Variants in PALB2 observed in about 807,000 individuals in gnomAD.
The protein encoded by PALB2 is mutant partner and localizer of BRCA2.
A neutral mutation model predicts 107.4 loss-of-function variants in PALB2; 82 were observed. The observed-to-expected ratio is 0.76, with a 90% CI of 0.64 to 0.92. The LOEUF (loss-of-function observed/expected upper bound fraction) is 0.92. Among genes scored for constraint, PALB2 ranks in the 40% least tolerant of loss-of-function variants. The pLI is 0.00. For synonymous variants in PALB2, 489 were observed against 496.8 expected, an observed-to-expected ratio of 0.98 and a Z score of 0.21; for missense variants, 1,374 against 1,379.9, an observed-to-expected ratio of 1.00 and a Z score of 0.07.
At chr16:23,612,536 T>C (rs1966605660) in intron 11 of PALB2, among the ~76,000 whole-genome samples, 1 of 150,446 alleles carries the variant, frequency 6.6e-6, no homozygotes. Flanking sequence ...TTTTTTTTTT[T>C]TTTTTTTTGA....
chr16:23,623,501 CTTTTTTTTTTTTTTT>C (rs1189941589), intron 8 of PALB2, among the ~76,000 whole-genome samples: 4 of 62,548 alleles, frequency 6.4e-5, no homozygotes, highest in Admixed American at 5.7e-4. Context: ...CATACCCGGC[CTTTTTTTTTTTTTTT>C]TTTTTTTTTT....
intron 11 of PALB2, among the ~76,000 whole-genome samples, chr16:23,612,431 C>T (rs899795773): frequency 2.0e-5 from 3 of 151,688 alleles, no homozygotes; most frequent in Non-Finnish European, 4.4e-5. Context: ...GTTGGCCAGG[C>T]TGGTCTCGAA....
chr16:23,604,058 C>T (rs922492392), intron 12 of PALB2, among the ~76,000 whole-genome samples: 1 of 152,184 alleles, frequency 6.6e-6, no homozygotes, highest in Non-Finnish European at 1.5e-5. Flanking sequence ...CCTGTTATGT[C>T]CATAGAAAGG....
At position 23,637,746 on chromosome 16, in the gene PALB2, C is replaced by A. The variant is rs1171208506; in HGVS notation, c.211+104G>T. The A allele has an allele frequency of 1.1e-5, 9 of 837,586 alleles. No individual in the cohort carries two copies. In the East Asian group the frequency reaches 2.2e-4, roughly 21 times the overall value. 51.9% of individuals were successfully genotyped at this position (837,586 alleles called of 1,614,324 possible). ...AAAATTAAAATTAAAATTAAAGCGT[C>A]TATTGCTAGTCATTATCTTCACACT... On this transcript the variant is annotated intron_variant, in intron 3 of 12. Transcript: ENST00000261584.
intron 11 of PALB2, among the ~76,000 whole-genome samples, chr16:23,609,321 A>G (rs115777213): frequency 0.033 from 5,087 of 152,278 alleles, 118 homozygotes; most frequent in Middle Eastern, 0.088. Context: ...TCAACTTGGC[A>G]GGCTGAGTGG....
rs1219715328 is a variant in PALB2 at position 23,623,099 on chromosome 16, C to T, written c.2866G>A (p.Glu956Lys). Residue 956 changes from glutamate (E) to lysine (K), a missense_variant, in exon 9 of 13, where the codon GAA (glutamate) becomes AAA (lysine). By Grantham distance (56) the Glu-to-Lys change is moderately conservative. Transcript: ENST00000261584. ...CCAGACTTCAGTAGTACTTGCTTTT[C>T]ACTTTCATCATCAGAGGAACAAAAC... ...ALFCSSDDES[E>K]KQVLLKSGNI... 8.7e-6 allele frequency: 14 copies of T among 1,613,582 alleles called. No individual in the cohort carries two copies. The Admixed American group carries it at 2.3e-4, about 27-fold the overall frequency.
intron 11 of PALB2, among the ~76,000 whole-genome samples, chr16:23,613,404 G>A (rs1439399000): frequency 6.6e-6 from 1 of 152,124 alleles, no homozygotes; most frequent in Non-Finnish European, 1.5e-5. Flanking sequence ...AGCACTTTGG[G>A]AGGCTGAGGC....
chr16:23,634,322 G>A (rs1439031354), intron 4 of PALB2, among the ~76,000 whole-genome samples: 1 of 152,204 alleles, frequency 6.6e-6, no homozygotes, highest in Non-Finnish European at 1.5e-5. Context: ...CTGCTGTGAT[G>A]ATTCAATGAG....
Position 23,635,221 on chromosome 16 carries a change from T to G in PALB2, c.1325A>C (p.Asn442Thr), listed in dbSNP as rs2142419299. ...ATTTTTACTTGCATCCTTATTTTTA[T>G]TTTTAAACCCTTTTTTCTTGACATC... ...HLDVKKKGFK[N>T]KNKDASKNLN... Residue 442 changes from asparagine (N) to threonine (T), a missense_variant, in exon 4 of 13, where the codon AAT becomes ACT. Physicochemically the swap from Asn to Thr is moderately conservative, Grantham distance 65. Coordinates refer to ENST00000261584, the MANE Select transcript of PALB2 (RefSeq NM_024675.4). The G allele has an allele frequency of 6.2e-7, 1 of 1,614,192 alleles. No individual in the cohort carries two copies. The highest frequency in any genetic ancestry group is 8.5e-7 in the Non-Finnish European group (1 of 1,180,032).
At chr16:23,621,583 A>G in intron 9 of PALB2, 105 bp from the exon 10 acceptor site, 1 of 726,212 alleles carries the variant, frequency 1.4e-6, no homozygotes, top group East Asian at 2.7e-5. Context: ...ACCTAATATC[A>G]GGAAAAAAAA....
chr16:23,633,000 G>A (rs1966898467), intron 4 of PALB2, among the ~76,000 whole-genome samples: 1 of 151,950 alleles, frequency 6.6e-6, no homozygotes, highest in Non-Finnish European at 1.5e-5. Flanking sequence ...GGGCTGAGGT[G>A]GGAGAATCGC....
intron 12 of PALB2, 23 bp from the exon 13 acceptor site, chr16:23,603,692 TAATTC>T: frequency 6.3e-7 from 1 of 1,593,230 alleles, no homozygotes; most frequent in South Asian, 1.1e-5. Context: ...AAAGAAGATA[TAATTC>T]AGATTACATA....
rs1597095213 is a variant in PALB2, at chr16:23,634,875, A to G, written c.1671T>C (p.Phe557=). The change falls in exon 4 of 13, where the codon TTT becomes TTC. Residue 557 remains phenylalanine (F), a synonymous_variant. Transcript: ENST00000261584. ...TSHKYQHEKL[F]IQVKGKKSRH... is the part of the protein sequence containing the mutation. ...ATCTTGATTTACCTTTCACTTGAATAAATAATTTTTCGTGCTGATATTTGT... is the reference window on the plus strand; with the variant it reads ...ATCTTGATTTACCTTTCACTTGAATGAATAATTTTTCGTGCTGATATTTGT... The G allele has an allele frequency of 1.2e-6, 2 of 1,613,842 alleles. No individual in the cohort carries two copies. Among genetic ancestry groups the G allele is most frequent in the East Asian group, 2.2e-5 (1 of 44,888 alleles).
rs876660586 is a variant in PALB2, at chr16:23,641,136, G to C, written c.22C>G (p.Pro8Ala). The C allele has an allele frequency of 6.2e-7, 1 of 1,613,464 alleles. No homozygotes were observed. Among genetic ancestry groups the C allele is most frequent in the East Asian group, 2.2e-5 (1 of 44,866 alleles). Residue 8 changes from proline to alanine, a missense_variant, in exon 1 of 13, where the codon CCC becomes GCC. Pro to Ala is a conservative substitution (Grantham distance 27). Coordinates refer to ENST00000261584, the MANE Select transcript of PALB2 (RefSeq NM_024675.4). ...TTTTCCTTCTCCTCACAGCTGAGGG[G>C]CTTCCCGGGAGGCTCGTCCATCGGG... MDEPPGK[P>A]LSCEEKEKLK... is the part of the protein sequence containing the mutation.
intron 12 of PALB2, among the ~76,000 whole-genome samples, chr16:23,604,293 T>A (rs1966422617): frequency 6.6e-6 from 1 of 152,206 alleles, no homozygotes; most frequent in Non-Finnish European, 1.5e-5. Context: ...CTACCTGGGT[T>A]TAAATTCTAA....
Position 23,614,133 on chromosome 16 carries a change from C to G in PALB2, c.3114-42G>C. ...AAATAAGCTGATCACATTCTTCCAA[C>G]AAACCAGTTTTCAGAAAATATTTTC... On this transcript the variant is annotated intron_variant, in intron 10 of 12. Transcript: ENST00000261584. The G allele has an allele frequency of 2.8e-6, 4 of 1,407,102 alleles. No homozygotes were observed. The South Asian group carries it at 3.5e-5, about 12-fold the overall frequency. The allele number at this position is 1,407,102 out of a possible 1,614,324, so 87.2% of individuals were successfully genotyped here.
At chr16:23,638,740 G>C in intron 1 of PALB2, 1 of 344,018 alleles carries the variant, frequency 2.9e-6, no homozygotes, top group Non-Finnish European at 5.7e-6. Context: ...CAGATAAACA[G>C]AGTGATATGA....
chr16:23,621,225 CA>C, intron 10 of PALB2, 136 bp downstream of exon 10: 7 of 706,204 alleles, frequency 9.9e-6, no homozygotes, highest in Non-Finnish European at 1.3e-5. Context: ...ACAACAAAAA[CA>C]ACAACAACAG....
chr16:23,638,332 C>T (rs1249574615), intron 1 of PALB2: 1 of 620,612 alleles, frequency 1.6e-6, no homozygotes, highest in Non-Finnish European at 2.9e-6. Context: ...TGGAACATGT[C>T]CTTCCTTTGC....
Sources: allele counts gnomAD v4.1 joint callset (sites outside exome capture counted in the v4.1 genomes callset), GRCh38; gene constraint gnomAD v4.1.1; transcripts MANE v1.5; gene names NCBI Gene and HGNC (gene_info 2026-07-23, HGNC 2026-07-21).